Variants in ABCA4 observed in about 807,000 individuals in gnomAD.
ABCA4 encodes retinal-specific phospholipid-transporting ATPase ABCA4.
Under a neutral mutation model 263.7 loss-of-function variants are expected in ABCA4, and 196 were observed. The ratio of observed to expected loss-of-function variants is 0.74; its 90% CI spans 0.66 to 0.84. The LOEUF is 0.84. Among genes scored for constraint, ABCA4 ranks in the 40% least tolerant of loss-of-function variants. The pLI is 0.00. For synonymous variants in ABCA4, 1,133 were observed against 1,094.2 expected, an observed-to-expected ratio of 1.04 and a Z score of -0.70; for missense variants, 2,792 against 2,855.1, an observed-to-expected ratio of 0.98 and a Z score of 0.50.
rs1661578472 is a variant in ABCA4 at position 94,077,839 on chromosome 1, C to G, written c.1405G>C (p.Gly469Arg). ...GCTTCAGCAGTAATACCTTCTTCAC[C>G]AAGCTGCCTATTCAAAAAGTCTTTT... is the stretch of plus-strand genomic sequence containing the variant. ...TVKDFLNRQLGEEGITAEAIL... is the reference protein window; with the variant it reads ...TVKDFLNRQLREEGITAEAIL... The change falls in exon 11 of 50, where the codon GGT (glycine) becomes CGT (arginine). Residue 469 changes from glycine (G) to arginine (R), a missense_variant. Transcript: ENST00000370225. The G allele has an allele frequency of 6.2e-7, 1 of 1,614,246 alleles. No individual in the cohort carries two copies. Among genetic ancestry groups the G allele is most frequent in the East Asian group, 2.2e-5 (1 of 44,888 alleles).
chr1:94,022,658 A>C (rs768151245), intron 32 of ABCA4, among the ~76,000 whole-genome samples: 6 of 152,156 alleles, frequency 3.9e-5, no homozygotes, highest in Non-Finnish European at 7.3e-5. Flanking sequence ...AAACCCTTCA[A>C]AGGCAGGGCA....
In ABCA4 at chr1:94,080,504, G is replaced by T. The variant is rs747446152; in HGVS notation, c.1073C>A (p.Pro358His). The T allele has an allele frequency of 1.2e-6, 2 of 1,614,016 alleles. No individual in the cohort carries two copies. The highest frequency in any genetic ancestry group is 8.5e-7 in the Non-Finnish European group (1 of 1,180,032). ...FLGIDSTRKD[P>H]IYSYDRRTTS... ...TGTTCTTCTGTCATAAGAATAGATA[G>T]GATCCTTCCTTGTGGAGTCAATCCC... Residue 358 changes from proline (P) to histidine (H), a missense_variant, in exon 8 of 50, where the codon CCT (proline) becomes CAT (histidine). Physicochemically the swap from Pro to His is moderately conservative, Grantham distance 77. Coordinates refer to ENST00000370225, the MANE Select transcript of ABCA4 (RefSeq NM_000350.3).
intron 7 of ABCA4, 63 bp from the exon 8 acceptor site, chr1:94,080,781 C>T (rs1315271499): frequency 3.1e-6 from 5 of 1,604,852 alleles, no homozygotes; most frequent in Admixed American, 3.3e-5. Flanking sequence ...TGCTGTGAGG[C>T]CAATGCTCCA....
Position 94,043,284 on chromosome 1 carries a change from G to C in ABCA4, c.3190+52C>G, listed in dbSNP as rs1660569441. On this transcript the variant is annotated intron_variant, in intron 21 of 49. Transcript: ENST00000370225. ...CCTCCCCTGCCTCCTGGGTGCACTG[G>C]GGAGCCATGGATTTGCCATCTGTGG... is the stretch of plus-strand genomic sequence containing the variant. The C allele has an allele frequency of 5.0e-6, 8 of 1,612,848 alleles. No homozygotes were observed. The Middle Eastern group carries it at 5.1e-4, about 102-fold the overall frequency.
At chr1:94,041,172 C>T (rs760424745) in intron 23 of ABCA4, 37 bp downstream of exon 23, 1 of 1,611,536 alleles carries the variant, frequency 6.2e-7, no homozygotes, top group Admixed American at 1.7e-5. Context: ...TGCTCCTTCT[C>T]ACCCAGGCCA....
intron 8 of ABCA4, among the ~76,000 whole-genome samples, chr1:94,079,732 C>G (rs763553487): frequency 2.0e-5 from 3 of 152,146 alleles, no homozygotes; most frequent in African/African-American, 4.8e-5. Context: ...GGCTGAGAAG[C>G]CTGCCTCTGA....
chr1:94,005,994 T>C (rs1481445962), intron 43 of ABCA4, among the ~76,000 whole-genome samples: 2 of 152,202 alleles, frequency 1.3e-5, no homozygotes, highest in Non-Finnish European at 2.9e-5. Flanking sequence ...TCTGTATTTA[T>C]TGGCAAAGAT....
intron 24 of ABCA4, among the ~76,000 whole-genome samples, chr1:94,038,547 A>C (rs1403979490): frequency 6.6e-6 from 1 of 152,218 alleles, no homozygotes; most frequent in Non-Finnish European, 1.5e-5. Context: ...GTCTTGCTTT[A>C]TGTCAAATCT....
At chr1:94,049,555 C>G (rs570166575) in intron 17 of ABCA4, among the ~76,000 whole-genome samples, 1 of 152,088 alleles carries the variant, frequency 6.6e-6, no homozygotes, top group African/African-American at 2.4e-5. Context: ...ACCCGGGAGG[C>G]GGAGGTTGCA....
In ABCA4 at chr1:94,044,702, C is replaced by G; in HGVS notation, c.2961G>C (p.Val987=). 1 of 1,614,204 alleles carries G rather than the reference C, an allele frequency of 6.2e-7. No homozygotes were observed. The highest frequency in any genetic ancestry group is 8.5e-7 in the Non-Finnish European group (1 of 1,180,032). The change falls in exon 20 of 50, where the codon GTG becomes GTC. Residue 987 remains valine (V), a synonymous_variant. Transcript: ENST00000370225. ...TGLLPPTSGT[V]LVGGRDIETS... ...TTTCAATGTCCCTTCCCCCAACGAG[C>G]ACAGTCCCAGAGGTTGGTGGCAACA...
intron 11 of ABCA4, among the ~76,000 whole-genome samples, chr1:94,068,326 T>G (rs1405863714): frequency 6.6e-6 from 1 of 152,158 alleles, no homozygotes; most frequent in African/African-American, 2.4e-5. Context: ...TAGATCAAGG[T>G]AGAGCAATTG....
At chr1:94,030,354 T>G (rs1660163318) in intron 29 of ABCA4, 74 bp downstream of exon 29, 1 of 1,360,520 alleles carries the variant, frequency 7.4e-7, no homozygotes, top group Non-Finnish European at 1.0e-6. Context: ...CCCCAACGCC[T>G]GCCATCTTGA....
rs533271864 is a variant in ABCA4, at chr1:94,001,871, G to T, written c.6269C>A (p.Pro2090Gln). The T allele has an allele frequency of 3.1e-6, 5 of 1,614,114 alleles. No individual in the cohort carries two copies. Among genetic ancestry groups the T allele is most frequent in the African/African-American group, 2.7e-5 (2 of 74,932 alleles). The change falls in exon 45 of 50, where the codon CCG (proline) becomes CAG (glutamine). Residue 2090 changes from proline (P) to glutamine (Q), a missense_variant. Physicochemically the swap from Pro to Gln is moderately conservative, Grantham distance 76 (BLOSUM62 -1). Coordinates refer to ENST00000370225, the MANE Select transcript of ABCA4 (RefSeq NM_000350.3). ...GCCCGCAGTTACCAGCAGCACCAGCGGTGGGCAGCCAATGAGTGCGATGGC... is the reference window on the plus strand; with the variant it reads ...GCCCGCAGTTACCAGCAGCACCAGCTGTGGGCAGCCAATGAGTGCGATGGC... ...STAIALIGCP[P>Q]LVLLDEPTTG... is the part of the protein sequence containing the mutation.
chr1:94,002,142 G>C (rs1659207810), intron 44 of ABCA4, 150 bp from the exon 45 acceptor site: 2 of 1,262,492 alleles, frequency 1.6e-6, no homozygotes, highest in Non-Finnish European at 2.2e-6. Flanking sequence ...CTGTCCTCTG[G>C]CATGTGCTTC....
At chr1:94,116,966 TTCTCTTTCTTTCTTTCTTTC>T (rs1246345274) in intron 1 of ABCA4, among the ~76,000 whole-genome samples, 7 of 101,800 alleles carry the variant, frequency 6.9e-5, no homozygotes, top group African/African-American at 2.5e-4. Flanking sequence ...CTTTCTTTCT[TTCTCTTTCTTTCTTTCTTTC>T]TTTCTTTCTT....
At chr1:94,027,960 T>A (rs1322467826) in intron 30 of ABCA4, among the ~76,000 whole-genome samples, 1 of 152,206 alleles carries the variant, frequency 6.6e-6, no homozygotes, top group Non-Finnish European at 1.5e-5. Context: ...GACTTTTAGA[T>A]GAGTGAGAAA....
rs61749423 is a variant in ABCA4, at chr1:94,060,656, G to T, written c.2041C>A (p.Arg681=). The T allele has an allele frequency of 2.4e-5, 39 of 1,614,058 alleles. No homozygotes were observed. The South Asian group carries it at 4.2e-4, about 17-fold the overall frequency. ...VKSIVLEKEL[R]LKETLKNQGV... ...TGATTTTTCAAGGTCTCCTTCAGTC[G>T]CAACTCCTTCTCCAAGACGATGCTC... The change falls in exon 14 of 50, where the codon CGA becomes AGA. Residue 681 remains arginine, a synonymous_variant. Transcript: ENST00000370225.
intron 44 of ABCA4, among the ~76,000 whole-genome samples, chr1:94,004,046 T>A (rs987964492): frequency 4.6e-5 from 7 of 152,220 alleles, no homozygotes; most frequent in Admixed American, 4.6e-4. Flanking sequence ...ATTGGAGGAA[T>A]CAGGGTTACT....
rs753755944 is a variant in ABCA4 at position 94,041,191 on chromosome 1, C to G, written c.3522+18G>C. The G allele has an allele frequency of 6.2e-7, 1 of 1,613,874 alleles. No individual in the cohort carries two copies. The highest frequency in any genetic ancestry group is 1.7e-4 in the Middle Eastern group (1 of 6,052). ...CCTTCTCACCCAGGCCAGGGTCCTT[C>G]CCTGGGCAGACACCTACCTCACTGC... On this transcript the variant is annotated intron_variant, in intron 23 of 49. Coordinates refer to ENST00000370225, the MANE Select transcript of ABCA4 (RefSeq NM_000350.3).
Sources: gnomAD v4.1 joint callset for allele counts (sites outside exome capture counted in the v4.1 genomes callset) on GRCh38, gnomAD v4.1.1 for gene constraint, MANE v1.5 for transcripts, NCBI Gene and HGNC (gene_info 2026-07-23, HGNC 2026-07-21) for gene names.